DAAM1: variants seen among roughly 807,000 people sequenced by gnomAD.
The protein encoded by DAAM1 is dishevelled associated activator of morphogenesis 1.
Under a neutral mutation model 130.0 loss-of-function variants are expected in DAAM1, and 52 were observed. That is an observed-to-expected ratio of 0.40 (90% CI 0.32 to 0.50). The LOEUF (loss-of-function observed/expected upper bound fraction) is 0.50, where lower values mean the gene tolerates loss of function less well. DAAM1 is among the 20% of genes least tolerant of loss of function. DAAM1 has a pLI of 0.61. For missense variants in DAAM1, 1,134 were observed against 1,303.8 expected, an observed-to-expected ratio of 0.87 and a Z score of 2.01; for synonymous variants, 452 against 444.5, an observed-to-expected ratio of 1.02 and a Z score of -0.21.
intron 23 of DAAM1, 26 bp from the exon 24 acceptor site, chr14:59,367,403 A>G: frequency 6.4e-7 from 1 of 1,568,996 alleles, no homozygotes; most frequent in South Asian, 1.2e-5. Context: ...TGAAACATTG[A>G]CTTCTTAAAA....
rs752247792 is a variant in DAAM1, at chr14:59,263,721, A to G, written c.183+61A>G. ...AGCCAGAGAAGGAGAAGAGGAGAGG[A>G]TGTGAATGAGTTGGTTTGGTTTGAC... On this transcript the variant is annotated intron_variant, in intron 2 of 24. Transcript: ENST00000360909. 28 of 1,606,690 alleles carry G rather than the reference A, an allele frequency of 1.7e-5. No individual in the cohort carries two copies. The East Asian group carries it at 4.7e-4, about 27-fold the overall frequency.
intron 3 of DAAM1, among the ~76,000 whole-genome samples, chr14:59,302,508 G>A (rs1218142117): frequency 6.6e-6 from 1 of 152,094 alleles, no homozygotes; most frequent in Admixed American, 6.5e-5. Context: ...GCCTGCATTG[G>A]TGCTGCACCA....
chr14:59,360,096 G>GTT (rs1264913166), intron 21 of DAAM1, among the ~76,000 whole-genome samples: 1 of 151,812 alleles, frequency 6.6e-6, no homozygotes, highest in African/African-American at 2.4e-5. Context: ...TTTTCCCTCT[G>GTT]TTCATGGAAT....
At chr14:59,271,019 C>CACTA (rs1882687365) in intron 2 of DAAM1, among the ~76,000 whole-genome samples, 2 of 152,174 alleles carry the variant, frequency 1.3e-5, no homozygotes, top group South Asian at 4.1e-4. Context: ...ATTTCTAATA[C>CACTA]ACTACATCAC....
chr14:59,351,222 C>G (rs1886282212), intron 17 of DAAM1, among the ~76,000 whole-genome samples: 1 of 152,158 alleles, frequency 6.6e-6, no homozygotes, highest in South Asian at 2.1e-4. Flanking sequence ...GCTCTAGAAT[C>G]TGTCCACTAG....
chr14:59,277,106 C>T (rs1055496385), intron 2 of DAAM1, among the ~76,000 whole-genome samples: 3 of 152,068 alleles, frequency 2.0e-5, no homozygotes, highest in African/African-American at 7.3e-5. Context: ...TTAGATATTG[C>T]TTTAGAGGTT....
chr14:59,360,648 C>G, intron 21 of DAAM1, 154 bp from the exon 22 acceptor site: 2 of 497,206 alleles, frequency 4.0e-6, no homozygotes, highest in Non-Finnish European at 6.7e-6. Flanking sequence ...GTTTAAAATA[C>G]TGTTGTCTTT....
chr14:59,230,512 C>G (rs936892681), intron 1 of DAAM1, among the ~76,000 whole-genome samples: 1 of 152,068 alleles, frequency 6.6e-6, no homozygotes, highest in Non-Finnish European at 1.5e-5. Context: ...TGCAAGTTCT[C>G]TCTTATTTGT....
chr14:59,321,353 T>G (rs973800227), intron 5 of DAAM1, among the ~76,000 whole-genome samples: 2 of 152,226 alleles, frequency 1.3e-5, no homozygotes, highest in African/African-American at 4.8e-5. Context: ...GTTCTAAAAT[T>G]AGCTAGTGTT....
At chr14:59,278,036 G>A (rs1414539980) in intron 2 of DAAM1, among the ~76,000 whole-genome samples, 1 of 152,098 alleles carries the variant, frequency 6.6e-6, no homozygotes, top group Non-Finnish European at 1.5e-5. Flanking sequence ...CATAGTAAGG[G>A]ATTCACAACA....
chr14:59,292,919 T>G (rs1883807338), intron 3 of DAAM1, among the ~76,000 whole-genome samples: 1 of 152,236 alleles, frequency 6.6e-6, no homozygotes, highest in Non-Finnish European at 1.5e-5. Context: ...TTGAACTGAT[T>G]GTCATGGCTC....
At chr14:59,339,370 C>G (rs1460690954) in intron 15 of DAAM1, among the ~76,000 whole-genome samples, 2 of 152,220 alleles carry the variant, frequency 1.3e-5, no homozygotes, top group Non-Finnish European at 2.9e-5. Context: ...ACTCCTGATG[C>G]TCAGTTCACT....
Position 59,363,682 on chromosome 14 carries a change from A to G in DAAM1, c.2726A>G (p.Gln909Arg). Residue 909 changes from glutamine (Q) to arginine (R), a missense_variant, in exon 23 of 25, where the codon CAG (glutamine) becomes CGG (arginine). Gln to Arg is a conservative substitution (Grantham distance 43). Coordinates refer to ENST00000360909, the MANE Select transcript of DAAM1 (RefSeq NM_001270520.2). Reference protein sequence around the residue: ...ELEYQKSQPPQPGDKFVSVVS... With the variant: ...ELEYQKSQPPRPGDKFVSVVS... ...GAATATCAGAAGTCTCAGCCCCCAC[A>G]GCCCGGAGATAAGTTTGTGTCTGTT... is the stretch of plus-strand genomic sequence containing the variant. 6.2e-7 allele frequency: 1 copy of G among 1,614,180 alleles called. No homozygotes were observed. Among genetic ancestry groups the G allele is most frequent in the Non-Finnish European group, 8.5e-7 (1 of 1,180,002 alleles).
At chr14:59,230,771 G>A (rs1889080872) in intron 1 of DAAM1, among the ~76,000 whole-genome samples, 2 of 148,858 alleles carry the variant, frequency 1.3e-5, no homozygotes, top group South Asian at 4.3e-4. Flanking sequence ...GAGGGGAGGG[G>A]TGGGAGGGGT....
At chr14:59,358,254 A>T (rs760767012) in intron 20 of DAAM1, among the ~76,000 whole-genome samples, 12 of 152,154 alleles carry the variant, frequency 7.9e-5, no homozygotes, top group Non-Finnish European at 1.8e-4. Context: ...GTCAGTGACA[A>T]TGGGATCAGA....
In DAAM1 at chr14:59,330,495, G is replaced by T; in HGVS notation, c.1373-6G>T. The stretch of plus-strand genomic sequence containing the variant: ...TGTTTTCATGTCCAATTGTTTTCTC[G>T]TGTAGAGCACAATGAGCTACAACAG... On this transcript the variant is annotated splice_polypyrimidine_tract_variant and splice_region_variant and intron_variant, in intron 12 of 24. Coordinates refer to ENST00000360909, the MANE Select transcript of DAAM1 (RefSeq NM_001270520.2). 6.3e-7 allele frequency: 1 copy of T among 1,593,016 alleles called. No individual in the cohort carries two copies. Among genetic ancestry groups the T allele is most frequent in the Non-Finnish European group, 8.5e-7 (1 of 1,171,222 alleles).
At chr14:59,366,807 G>C (rs547024539) in intron 23 of DAAM1, among the ~76,000 whole-genome samples, 5 of 151,988 alleles carry the variant, frequency 3.3e-5, no homozygotes, top group Admixed American at 6.6e-5. Context: ...CCAGCTACTC[G>C]TGAGGCTTAA....
chr14:59,231,008 A>C (rs189186182), intron 1 of DAAM1, among the ~76,000 whole-genome samples: 2 of 152,302 alleles, frequency 1.3e-5, no homozygotes, highest in African/African-American at 4.8e-5. Context: ...TGCTGCTTAA[A>C]ATTATGTAGA....
At chr14:59,331,623 C>A in intron 14 of DAAM1, 115 bp downstream of exon 14, 1 of 1,508,846 alleles carries the variant, frequency 6.6e-7, no homozygotes, top group Non-Finnish European at 8.8e-7. Context: ...TAATGTGGAC[C>A]AAGAGTTCTC....
Sources: gnomAD v4.1 joint callset for allele counts (sites outside exome capture counted in the v4.1 genomes callset) on GRCh38, gnomAD v4.1.1 for gene constraint, MANE v1.5 for transcripts, NCBI Gene and HGNC (gene_info 2026-07-23, HGNC 2026-07-21) for gene names.